DGKG: variants seen among roughly 807,000 people sequenced by gnomAD.
The protein encoded by DGKG is DAG kinase gamma.
A neutral mutation model predicts 105.3 loss-of-function variants in DGKG; 78 were observed. The observed-to-expected ratio is 0.74, with a 90% CI of 0.62 to 0.89. The LOEUF (loss-of-function observed/expected upper bound fraction) is 0.89. Ranked by LOEUF, DGKG falls within the 40% of genes least tolerant of loss-of-function variation. DGKG has a pLI of 0.00. For synonymous variants in DGKG, 346 were observed against 367.1 expected (o/e 0.94, Z 0.66); for missense variants, 958 against 1,020.1 (o/e 0.94, Z 0.83).
At chr3:186,326,361 T>C (rs1303350072) in intron 1 of DGKG, among the ~76,000 whole-genome samples, 3 of 151,464 alleles carry the variant, frequency 2.0e-5, no homozygotes, top group African/African-American at 7.3e-5. Flanking sequence ...ATCCTGCCAC[T>C]GCACTCCAGC....
At chr3:186,184,118 CT>C (rs11338070) in intron 22 of DGKG, among the ~76,000 whole-genome samples, 27,674 of 144,560 alleles carry the variant, frequency 0.19, 3,538 homozygotes, top group African/African-American at 0.37. Flanking sequence ...GGCGTAGGGA[CT>C]TTTTTTTTTT....
chr3:186,271,715 A>G (rs1295028272), intron 11 of DGKG, among the ~76,000 whole-genome samples: 1 of 152,120 alleles, frequency 6.6e-6, no homozygotes, highest in Non-Finnish European at 1.5e-5. Context: ...ATCTCCTGCC[A>G]CTTCCCTTTA....
chr3:186,161,024 C>T (rs1293400465), intron 24 of DGKG: 1 of 986,040 alleles, frequency 1.0e-6, no homozygotes, highest in Non-Finnish European at 1.2e-6. Context: ...GTGCCATAAA[C>T]AAAATAGATA....
At chr3:186,285,475 CG>C (rs1053996302) in intron 6 of DGKG, among the ~76,000 whole-genome samples, 1 of 152,060 alleles carries the variant, frequency 6.6e-6, no homozygotes, top group African/African-American at 2.4e-5. Context: ...TCTTCAATCA[CG>C]TTCTAACTGC....
intron 21 of DGKG, among the ~76,000 whole-genome samples, chr3:186,196,388 C>T (rs1243577472): frequency 6.6e-6 from 1 of 152,160 alleles, no homozygotes; most frequent in Non-Finnish European, 1.5e-5. Flanking sequence ...TTCCACCTGC[C>T]TTGGCCTCCC....
chr3:186,326,199 C>T (rs1315788523), intron 1 of DGKG, among the ~76,000 whole-genome samples: 2 of 152,128 alleles, frequency 1.3e-5, no homozygotes, highest in Non-Finnish European at 2.9e-5. Flanking sequence ...TGAGACCAGC[C>T]TGGCCAACAT....
At chr3:186,256,237 G>A (rs1055241736) in intron 17 of DGKG, among the ~76,000 whole-genome samples, 9 of 152,134 alleles carry the variant, frequency 5.9e-5, no homozygotes, top group African/African-American at 2.2e-4. Context: ...AGCGCCCGGG[G>A]GAGTGGCGGG....
intron 16 of DGKG, among the ~76,000 whole-genome samples, 158 bp from the exon 17 acceptor site, chr3:186,258,097 T>TA (rs1721572535): frequency 6.6e-6 from 1 of 152,190 alleles, no homozygotes; most frequent in Non-Finnish European, 1.5e-5. Flanking sequence ...AACCAGAAGT[T>TA]ACTATGCAGT....
At chr3:186,217,997 G>T (rs1033816865) in intron 20 of DGKG, among the ~76,000 whole-genome samples, 2 of 152,188 alleles carry the variant, frequency 1.3e-5, no homozygotes, top group African/African-American at 4.8e-5. Flanking sequence ...GTTAGGCCTT[G>T]GGTGTCAGCA....
intron 24 of DGKG, chr3:186,160,843 GATGC>G (rs1716258418): frequency 1.0e-6 from 1 of 985,314 alleles, no homozygotes; most frequent in African/African-American, 1.7e-5. Context: ...AAGAAGGAAG[GATGC>G]ATGGCTCCTG....
chr3:186,161,328 A>G (rs749141694), intron 24 of DGKG: 13 of 1,276,828 alleles, frequency 1.0e-5, no homozygotes, highest in African/African-American at 4.6e-5. Context: ...GAAGTCTCAG[A>G]ATTCACTGAC....
At chr3:186,161,787 C>T (rs1394192678) in intron 23 of DGKG, 124 bp from the exon 24 acceptor site, 30 of 1,435,932 alleles carry the variant, frequency 2.1e-5, no homozygotes, top group Non-Finnish European at 2.6e-5. Context: ...TTCTCTAAGA[C>T]TCTTTTGGAG....
At chr3:186,309,576 T>C (rs995934853) in intron 2 of DGKG, among the ~76,000 whole-genome samples, 1 of 152,218 alleles carries the variant, frequency 6.6e-6, no homozygotes, top group Admixed American at 6.5e-5. Flanking sequence ...TCCTACATTT[T>C]AGAATCTATT....
intron 20 of DGKG, among the ~76,000 whole-genome samples, chr3:186,241,227 G>A (rs1346082779): frequency 1.3e-5 from 2 of 151,908 alleles, no homozygotes; most frequent in Admixed American, 6.6e-5. Context: ...GAAAATGATG[G>A]GTCCTGGGCT....
At chr3:186,205,141 C>T (rs1718662728) in intron 21 of DGKG, among the ~76,000 whole-genome samples, 1 of 151,410 alleles carries the variant, frequency 6.6e-6, no homozygotes. Flanking sequence ...CCTGTAATCG[C>T]AGCTACTTGG....
At chr3:186,265,649 CTTCCT>C (rs1293056790) in intron 13 of DGKG, among the ~76,000 whole-genome samples, 18 of 128,380 alleles carry the variant, frequency 1.4e-4, no homozygotes, top group Non-Finnish European at 2.1e-4. Flanking sequence ...CTTGGCTTTT[CTTCCT>C]TTCTTTTTTT....
Position 186,161,600 on chromosome 3 carries a change from C to T in DGKG, c.2277+3G>A, listed in dbSNP as rs762581170. 6.2e-7 allele frequency: 1 copy of T among 1,614,152 alleles called. No homozygotes were observed. Among genetic ancestry groups the T allele is most frequent in the Non-Finnish European group, 8.5e-7 (1 of 1,180,020 alleles). ...CCCCATCTCAAAGATTGGCAAGACTCACCGTGCAACATGGCTGCATCCAGG... is the reference window on the plus strand; with the variant it reads ...CCCCATCTCAAAGATTGGCAAGACTTACCGTGCAACATGGCTGCATCCAGG... On this transcript the variant is annotated splice_donor_region_variant and intron_variant, in intron 24 of 24. Transcript: ENST00000265022.
chr3:186,317,683 C>A (rs1044086914), intron 2 of DGKG, among the ~76,000 whole-genome samples: 2 of 152,168 alleles, frequency 1.3e-5, no homozygotes, highest in African/African-American at 4.8e-5. Flanking sequence ...GGAAACAATG[C>A]GTGCATCAGG....
chr3:186,188,394 G>C lies in DGKG; in HGVS notation c.1918-15C>G. ...ACCCCATCACACTGGAGGACGGAGA[G>C]AAAAGGCCATCTGTTAGTGTCCTCA... On this transcript the variant is annotated splice_polypyrimidine_tract_variant and intron_variant, in intron 21 of 24. Coordinates refer to ENST00000265022, the MANE Select transcript of DGKG (RefSeq NM_001346.3). 6.2e-7 allele frequency: 1 copy of C among 1,613,116 alleles called. No individual in the cohort carries two copies. Among genetic ancestry groups the C allele is most frequent in the East Asian group, 2.2e-5 (1 of 44,874 alleles).
Sources: allele counts gnomAD v4.1 joint callset (sites outside exome capture counted in the v4.1 genomes callset), GRCh38; gene constraint gnomAD v4.1.1; transcripts MANE v1.5; gene names NCBI Gene and HGNC (gene_info 2026-07-23, HGNC 2026-07-21).